ABCC12: variants seen among roughly 807,000 people sequenced by gnomAD.
The protein encoded by ABCC12 is ATP binding cassette subfamily C member 12.
Under a neutral mutation model 151.1 loss-of-function variants are expected in ABCC12, and 142 were observed. The observed-to-expected ratio is 0.94, with a 90% CI of 0.82 to 1.08. The LOEUF (loss-of-function observed/expected upper bound fraction) is 1.08, where lower values mean the gene tolerates loss of function less well. ABCC12 is among the 50% of genes least tolerant of loss of function. ABCC12 has a pLI of 0.00. For missense variants in ABCC12, 1,638 were observed against 1,691.1 expected (o/e 0.97, Z 0.55); for synonymous variants, 645 against 646.4 (o/e 1.00, Z 0.03).
chr16:48,138,091 T>G, intron 8 of ABCC12, 137 bp downstream of exon 8: 1 of 870,018 alleles, frequency 1.1e-6, no homozygotes, highest in Non-Finnish European at 1.6e-6. Flanking sequence ...CTTTGAAAAA[T>G]TCTTTGACCT....
intron 24 of ABCC12, 179 bp from the exon 25 acceptor site, chr16:48,091,388 G>T (rs575069177): frequency 1.7e-4 from 105 of 614,198 alleles, no homozygotes; most frequent in Admixed American, 2.5e-4. Flanking sequence ...CTGTTCGGGT[G>T]TTTTGCCTTT....
At chr16:48,129,671 G>A (rs1964358221) in intron 10 of ABCC12, among the ~76,000 whole-genome samples, 1 of 152,120 alleles carries the variant, frequency 6.6e-6, no homozygotes, top group African/African-American at 2.4e-5. Flanking sequence ...GGGGTTGAGT[G>A]CTATACGGAC....
intron 23 of ABCC12, among the ~76,000 whole-genome samples, chr16:48,097,807 C>A (rs1176995175): frequency 2.0e-5 from 3 of 152,186 alleles, no homozygotes; most frequent in Non-Finnish European, 4.4e-5. Flanking sequence ...GAAGACCCAG[C>A]AACTCCTACC....
Position 48,128,574 on chromosome 16 carries a change from T to C in ABCC12, c.1400A>G (p.Gln467Arg). ...QNQKRHLCKKQRSEAYSERSP... is the reference protein window; with the variant it reads ...QNQKRHLCKKRRSEAYSERSP... ...CCTCTCACTGTATGCCTCTGACCTC[T>C]GTTTCTTGCATAAATGCCTTTTCTG... is the stretch of plus-strand genomic sequence containing the variant. Residue 467 changes from glutamine to arginine, a missense_variant, in exon 11 of 31, where the codon CAG becomes CGG. Physicochemically the swap from Gln to Arg is conservative, Grantham distance 43. Transcript: ENST00000311303. 1 of 1,614,252 alleles carries C rather than the reference T, an allele frequency of 6.2e-7. No homozygotes were observed. Among genetic ancestry groups the C allele is most frequent in the Non-Finnish European group, 8.5e-7 (1 of 1,180,044 alleles).
intron 12 of ABCC12, 94 bp downstream of exon 12, chr16:48,124,119 C>T (rs144294582): frequency 7.5e-6 from 10 of 1,336,164 alleles, no homozygotes; most frequent in African/African-American, 1.4e-5. Flanking sequence ...CCAGTGCAGC[C>T]GAGGCCATCT....
chr16:48,109,136 G>A (rs1237155348), intron 18 of ABCC12, among the ~76,000 whole-genome samples: 1 of 152,182 alleles, frequency 6.6e-6, no homozygotes, highest in Non-Finnish European at 1.5e-5. Flanking sequence ...TGCAGAGATG[G>A]CATTTGGGAG....
chr16:48,106,109 A>G (rs1963483769), intron 20 of ABCC12, among the ~76,000 whole-genome samples: 1 of 152,228 alleles, frequency 6.6e-6, no homozygotes, highest in Admixed American at 6.5e-5. Context: ...GGAGCAAACA[A>G]GCATCTTTCT....
In ABCC12 at chr16:48,104,383, A is replaced by G. The variant is rs775654008; in HGVS notation, c.2674-15T>C. 3 of 1,611,980 alleles carry G rather than the reference A, an allele frequency of 1.9e-6. No individual in the cohort carries two copies. Among genetic ancestry groups the G allele is most frequent in the Non-Finnish European group, 2.5e-6 (3 of 1,178,134 alleles). On this transcript the variant is annotated splice_polypyrimidine_tract_variant and intron_variant, in intron 21 of 30. Coordinates refer to ENST00000311303, the MANE Select transcript of ABCC12 (RefSeq NM_001393797.1). ...CTCTTTAAGATCTGTGGAGAATGGT[A>G]GAGAGTCAAACAGAGTCGAGATGCG...
intron 11 of ABCC12, among the ~76,000 whole-genome samples, chr16:48,125,187 G>A (rs1964199914): frequency 6.6e-6 from 1 of 152,168 alleles, no homozygotes; most frequent in African/African-American, 2.4e-5. Context: ...AAGGGAAGGT[G>A]GCCCATAAAG....
rs1963688405 is a variant in ABCC12, at chr16:48,111,574, TA to T, written c.2209+3del. 1 of 1,614,106 alleles carries T rather than the reference TA, an allele frequency of 6.2e-7. No homozygotes were observed. Among genetic ancestry groups the T allele is most frequent in the South Asian group, 1.1e-5 (1 of 91,088 alleles). On this transcript the variant is annotated splice_donor_region_variant and intron_variant, in intron 17 of 30. Coordinates refer to ENST00000311303, the MANE Select transcript of ABCC12 (RefSeq NM_001393797.1). ...AAGGACAATAACAGGGATGGGATTC[TA>T]ACCGATTATACCAGCATCTTCCTCT...
intron 14 of ABCC12, among the ~76,000 whole-genome samples, chr16:48,116,767 G>A (rs1329750650): frequency 2.6e-5 from 4 of 152,228 alleles, no homozygotes; most frequent in African/African-American, 9.6e-5. Flanking sequence ...GCACAAGAAG[G>A]GTGGGGACCC....
chr16:48,154,241 G>A (rs1487498485), intron 1 of ABCC12, among the ~76,000 whole-genome samples: 1 of 152,182 alleles, frequency 6.6e-6, no homozygotes, highest in East Asian at 1.9e-4. Context: ...GGCAGAAGCA[G>A]GAAGGCCTCT....
chr16:48,145,774 C>A, intron 3 of ABCC12, among the ~76,000 whole-genome samples: 1 of 152,230 alleles, frequency 6.6e-6, no homozygotes, highest in South Asian at 2.1e-4. Context: ...AGCACAGCCA[C>A]CTTGCTGTAC....
At chr16:48,128,350 C>T (rs965817794) in intron 11 of ABCC12, 109 bp downstream of exon 11, 2 of 1,474,442 alleles carry the variant, frequency 1.4e-6, no homozygotes, top group African/African-American at 2.8e-5. Flanking sequence ...TTAGAGACAT[C>T]CCATCACCAC....
chr16:48,142,951 T>C (rs1964869178), intron 4 of ABCC12, among the ~76,000 whole-genome samples: 1 of 152,204 alleles, frequency 6.6e-6, no homozygotes, highest in African/African-American at 2.4e-5. Flanking sequence ...TTCATAGTGC[T>C]TGCCTCCAGG....
At chr16:48,085,229 C>T (rs1359978461) in intron 29 of ABCC12, among the ~76,000 whole-genome samples, 1 of 152,150 alleles carries the variant, frequency 6.6e-6, no homozygotes, top group Non-Finnish European at 1.5e-5. Flanking sequence ...CATATCCTAG[C>T]ATTCTGATGG....
chr16:48,155,443 CTTTTT>C (rs947693158), intron 1 of ABCC12, among the ~76,000 whole-genome samples: 2 of 149,004 alleles, frequency 1.3e-5, no homozygotes. Flanking sequence ...CTTTCCAGGT[CTTTTT>C]TTTTGGGGGG....
In ABCC12 at chr16:48,108,468, T is replaced by A; in HGVS notation, c.2343A>T (p.Thr781=). The change falls in exon 19 of 31, where the codon ACA becomes ACT. Residue 781 remains threonine (T), a synonymous_variant. Transcript: ENST00000311303. The part of the protein sequence containing the change: ...SPQEGTVTWK[T]YHTYIKASGG... Reference sequence around the variant, plus strand: ...CAGAAGCCTTAATGTACGTGTGATATGTTTTCCAGGTCACGGTTCCTTCCT... The same window carrying A: ...CAGAAGCCTTAATGTACGTGTGATAAGTTTTCCAGGTCACGGTTCCTTCCT... The A allele has an allele frequency of 6.2e-7, 1 of 1,614,216 alleles. No homozygotes were observed. The highest frequency in any genetic ancestry group is 8.5e-7 in the Non-Finnish European group (1 of 1,180,026).
At chr16:48,095,305 C>G (rs1305077760) in intron 24 of ABCC12, among the ~76,000 whole-genome samples, 1 of 152,054 alleles carries the variant, frequency 6.6e-6, no homozygotes, top group Non-Finnish European at 1.5e-5. Flanking sequence ...GTAAGACGTG[C>G]CTTTCACCTT....
Sources: gnomAD v4.1 joint callset for allele counts (sites outside exome capture counted in the v4.1 genomes callset) on GRCh38, gnomAD v4.1.1 for gene constraint, MANE v1.5 for transcripts, NCBI Gene and HGNC (gene_info 2026-07-23, HGNC 2026-07-21) for gene names.